Variants in GRAMD4 observed in about 807,000 individuals in gnomAD.
GRAMD4 encodes the protein GRAM domain containing 4, also known as GRAM domain-containing protein 4.
In GRAMD4, 25 loss-of-function variants were observed where a neutral mutation model predicts 83.9. The ratio of observed to expected loss-of-function variants is 0.30; its 90% CI spans 0.22 to 0.42. The LOEUF is 0.42. Ranked by LOEUF, GRAMD4 falls within the 10% of genes least tolerant of loss-of-function variation. The probability of loss-of-function intolerance (pLI) is 1.00; values close to 1 mark genes in which losing one functional copy is unlikely to be tolerated. For missense variants in GRAMD4, 593 were observed against 788.7 expected, an observed-to-expected ratio of 0.75 and a Z score of 2.97; for synonymous variants, 336 against 320.9, an observed-to-expected ratio of 1.05 and a Z score of -0.50.
chr22:46,666,229 G>GT (rs1405862576), intron 9 of GRAMD4, among the ~76,000 whole-genome samples: 3 of 152,188 alleles, frequency 2.0e-5, no homozygotes, highest in Admixed American at 6.5e-5. Context: ...TGGAGGCTGA[G>GT]GGGGGCTCTG....
At chr22:46,666,341 A>G (rs892128447) in intron 9 of GRAMD4, among the ~76,000 whole-genome samples, 9 of 152,236 alleles carry the variant, frequency 5.9e-5, no homozygotes, top group Non-Finnish European at 7.3e-5. Flanking sequence ...ACCGAGGCTC[A>G]GGGAAGAGCT....
At chr22:46,619,925 G>A (rs879841268), upstream of GRAMD4, among the ~76,000 whole-genome samples, 3 of 152,196 alleles carry the variant, frequency 2.0e-5, no homozygotes, top group Admixed American at 1.3e-4. Context: ...CTGTGGGAAA[G>A]CGGATGCTGT....
chr22:46,673,878 G>T (rs2082553227), intron 15 of GRAMD4, 64 bp downstream of exon 15: 1 of 1,571,796 alleles, frequency 6.4e-7, no homozygotes, highest in Admixed American at 1.7e-5. Flanking sequence ...CCGTGAGGGG[G>T]GCGCTGTGGA....
chr22:46,677,078 C>T (rs931752782), intron 18 of GRAMD4, 69 bp from the exon 19 acceptor site: 14 of 1,586,068 alleles, frequency 8.8e-6, no homozygotes, highest in Middle Eastern at 1.7e-4. Context: ...TGTTGGACTT[C>T]GTCTCGGTCC....
chr22:46,608,301 A>G (rs2081384793), intron 1 of GRAMD4, among the ~76,000 whole-genome samples: 1 of 152,178 alleles, frequency 6.6e-6, no homozygotes, highest in African/African-American at 2.4e-5. Flanking sequence ...GTGAGACTGG[A>G]CTATCAGAGC....
chr22:46,666,922 C>G (rs530079666), intron 10 of GRAMD4, 49 bp downstream of exon 10: 2 of 1,347,726 alleles, frequency 1.5e-6, no homozygotes, highest in South Asian at 2.7e-5. Flanking sequence ...TCCATCACGT[C>G]AGGCCTCACA....
At chr22:46,657,514 C>T (rs1330962954) in intron 3 of GRAMD4, among the ~76,000 whole-genome samples, 1 of 152,238 alleles carries the variant, frequency 6.6e-6, no homozygotes, top group Non-Finnish European at 1.5e-5. Context: ...CCCTTCCATC[C>T]TCAGTCTTCC....
chr22:46,595,578 G>C (rs1486382004), intron 1 of GRAMD4, among the ~76,000 whole-genome samples: 3 of 152,226 alleles, frequency 2.0e-5, no homozygotes. Flanking sequence ...CTCAGCCCTA[G>C]GTGAGGTTGG....
At chr22:46,618,703 G>A (rs777345832), upstream of GRAMD4, among the ~76,000 whole-genome samples, 17 of 152,090 alleles carry the variant, frequency 1.1e-4, no homozygotes, top group Non-Finnish European at 1.8e-4. The surrounding 1 kb of genome is among the most constrained non-coding windows in gnomAD (Gnocchi z 5.8). Flanking sequence ...CTGGGGTGGT[G>A]GGGAGAGGGG....
chr22:46,578,740 A>T (rs1440534523), intron 1 of GRAMD4, among the ~76,000 whole-genome samples: 2 of 151,972 alleles, frequency 1.3e-5, no homozygotes, highest in Non-Finnish European at 2.9e-5. Context: ...GACCTCAGTA[A>T]CCCTGCCCCT....
At chr22:46,616,888 G>C (rs2081507713), upstream of GRAMD4, among the ~76,000 whole-genome samples, 1 of 25,078 alleles carries the variant, frequency 4.0e-5, no homozygotes, top group Admixed American at 4.2e-4. Flanking sequence ...GTTCCCCTGT[G>C]CGTGTAGTTT....
chr22:46,580,980 AAAAAG>A (rs1434833390), intron 1 of GRAMD4, among the ~76,000 whole-genome samples: 5 of 151,698 alleles, frequency 3.3e-5, no homozygotes, highest in South Asian at 2.1e-4. Flanking sequence ...AAAAAAAAAA[AAAAAG>A]AAAGAAAGAA....
chr22:46,644,897 CTTTTTTTTTTTTTTTTTTTTTTT>C (rs35677843), intron 3 of GRAMD4, among the ~76,000 whole-genome samples: 1 of 40,986 alleles, frequency 2.4e-5, no homozygotes, highest in African/African-American at 1.1e-4. Flanking sequence ...TGCACATGGC[CTTTTTTTTTTTTTTTTTTTTTTT>C]TTTTTTTTTT....
intron 6 of GRAMD4, 117 bp downstream of exon 6, chr22:46,663,289 C>T (rs1005655439): frequency 1.3e-5 from 13 of 1,010,032 alleles, no homozygotes; most frequent in East Asian, 2.4e-5. Context: ...GTGAGGCTGC[C>T]GAGAGCTCCT....
intron 1 of GRAMD4, among the ~76,000 whole-genome samples, chr22:46,596,491 T>C (rs2081263300): frequency 1.3e-5 from 2 of 152,240 alleles, no homozygotes; most frequent in Non-Finnish European, 1.5e-5. Flanking sequence ...CTCTTCTCAG[T>C]TGAACCAGTT....
At chr22:46,660,404 G>T (rs937220229) in intron 4 of GRAMD4, among the ~76,000 whole-genome samples, 1 of 152,114 alleles carries the variant, frequency 6.6e-6, no homozygotes, top group African/African-American at 2.4e-5. Context: ...TTGTCGTCCT[G>T]GTGCAGATCT....
chr22:46,668,246 G>T (rs1601673995), intron 11 of GRAMD4, 79 bp downstream of exon 11: 7 of 1,007,096 alleles, frequency 7.0e-6, no homozygotes, highest in Non-Finnish European at 9.2e-6. Context: ...CGCCGGCCAG[G>T]GGTAGGTCTC....
chr22:46,618,714 AGG>A (rs2081535293), upstream of GRAMD4, among the ~76,000 whole-genome samples: 2 of 151,600 alleles, frequency 1.3e-5, no homozygotes, highest in African/African-American at 4.8e-5. The surrounding 1 kb of genome is among the most constrained non-coding windows in gnomAD (Gnocchi z 5.8). Context: ...GGGAGAGGGG[AGG>A]CACGCGGCTG....
chr22:46,631,162 A>C (rs1362570221), intron 2 of GRAMD4, among the ~76,000 whole-genome samples: 1 of 152,364 alleles, frequency 6.6e-6, no homozygotes, highest in Admixed American at 6.5e-5. Flanking sequence ...AAATACACAG[A>C]GCATTGAATG....
Sources: gnomAD v4.1 joint callset for allele counts (sites outside exome capture counted in the v4.1 genomes callset) on GRCh38, gnomAD v4.1.1 for gene constraint, Gnocchi (gnomAD v3.1) non-coding constraint, MANE v1.5 for transcripts, NCBI Gene and HGNC (gene_info 2026-07-23, HGNC 2026-07-21) for gene names.